The following CNTLN variants were observed in gnomAD, a reference collection of about 807,000 sequenced individuals.
CNTLN encodes the protein centlein, centrosomal protein.
CNTLN carries 212 observed loss-of-function variants against 180.0 expected under a neutral mutation model. The ratio of observed to expected loss-of-function variants is 1.18; its 90% confidence interval spans 1.05 to 1.32. The LOEUF (loss-of-function observed/expected upper bound fraction) is 1.32, where lower values mean the gene tolerates loss of function less well. Among genes scored for constraint, CNTLN ranks in the 40% most tolerant of loss-of-function variants. CNTLN has a pLI of 0.00. For missense variants in CNTLN, 2,095 were observed against 1,610.9 expected (o/e 1.30, Z -5.14); for synonymous variants, 722 against 563.1 (o/e 1.28, Z -3.99).
chr9:17,197,104 G>A lies in CNTLN; in HGVS notation c.450-29099G>A, dbSNP rs146248806. ...ATGTGAGCAAATTACTTACACTCAC[G>A]GTACCTCAGTTCCTTCATCTGTTAA... On this transcript the variant is annotated intron_variant, in intron 2 of 25. Transcript: ENST00000380647. 5.0e-3 allele frequency among the ~76,000 whole-genome samples: 756 copies of A among 152,058 alleles called. 10 individuals are homozygous for A. Among genetic ancestry groups the A allele is most frequent in the Non-Finnish European group, 5.6e-3 (382 of 68,000 alleles).
intron 21 of CNTLN, among the ~76,000 whole-genome samples, chr9:17,465,142 G>T (rs1831673746): frequency 1.3e-5 from 2 of 148,868 alleles, no homozygotes; most frequent in South Asian, 4.2e-4. Context: ...TTTTTTGAAG[G>T]TGCTTTTTTC....
chr9:17,174,426 C>G (rs573176698), intron 2 of CNTLN, among the ~76,000 whole-genome samples: 1 of 152,068 alleles, frequency 6.6e-6, no homozygotes, highest in Non-Finnish European at 1.5e-5. Flanking sequence ...CTGGGTGCAG[C>G]GGCTTATGCC....
At chr9:17,516,383 A>C in the CNTLN span, among the ~76,000 whole-genome samples, 1 of 152,168 alleles carries the variant, frequency 6.6e-6, no homozygotes, top group African/African-American at 2.4e-5. Context: ...AAAGATTAAC[A>C]AGAGAAAAGC....
At chr9:17,527,738 C>A in the CNTLN span, among the ~76,000 whole-genome samples, 1 of 152,040 alleles carries the variant, frequency 6.6e-6, no homozygotes. Context: ...GGAACCAGGG[C>A]TCTTGGGAGA....
intron 15 of CNTLN, among the ~76,000 whole-genome samples, chr9:17,406,475 T>C (rs1302289934): frequency 6.6e-6 from 1 of 151,728 alleles, no homozygotes; most frequent in Non-Finnish European, 1.5e-5. Context: ...TTTAGCCAGA[T>C]ATCTAAAACA....
chr9:17,412,187 C>A (rs1322832406), intron 16 of CNTLN, among the ~76,000 whole-genome samples: 1 of 152,194 alleles, frequency 6.6e-6, no homozygotes, highest in Non-Finnish European at 1.5e-5. Flanking sequence ...TCAACTAAGA[C>A]TGGATTTCCA....
intron 18 of CNTLN, among the ~76,000 whole-genome samples, chr9:17,454,553 C>A (rs938117894): frequency 6.6e-6 from 1 of 152,182 alleles, no homozygotes; most frequent in Non-Finnish European, 1.5e-5. Flanking sequence ...TATGTATATA[C>A]GTGTTAAAGT....
intron 5 of CNTLN, among the ~76,000 whole-genome samples, chr9:17,247,833 TC>T (rs1825889277): frequency 2.1e-5 from 3 of 142,214 alleles, no homozygotes; most frequent in African/African-American, 2.7e-5. Flanking sequence ...CTCTGTTCTT[TC>T]TTTTTTTTTT....
intron 13 of CNTLN, among the ~76,000 whole-genome samples, chr9:17,376,891 A>G (rs1824819065): frequency 6.6e-6 from 1 of 152,208 alleles, no homozygotes; most frequent in Non-Finnish European, 1.5e-5. Flanking sequence ...AACAGAAGTA[A>G]AGGTAAATGA....
chr9:17,213,968 T>G lies in CNTLN; in HGVS notation c.450-12235T>G, dbSNP rs976021854. 2.0e-5 allele frequency among the ~76,000 whole-genome samples: 3 copies of G among 152,224 alleles called. No individual in the cohort carries two copies. In the East Asian group the frequency reaches 5.8e-4, roughly 29 times the overall value. ...TGTGTCTTTGCAGGTGATATGGGTC[T>G]TCTGAATACAGCACACTGATGGGTC... On this transcript the variant is annotated intron_variant, in intron 2 of 25. Transcript: ENST00000380647.
Position 17,314,896 on chromosome 9 carries a change from C to A in CNTLN, c.1341+5644C>A, listed in dbSNP as rs538023737. 2.6e-5 allele frequency among the ~76,000 whole-genome samples: 4 copies of A among 152,270 alleles called. No individual in the cohort carries two copies. In the South Asian group the frequency reaches 8.3e-4, roughly 32 times the overall value. On this transcript the variant is annotated intron_variant, in intron 8 of 25. Transcript: ENST00000380647. Reference sequence around the variant, plus strand: ...TTCCCAATCTTTGACTTTTTAAAGACTATTTTAACTGATTTTTTAAATCAT... The same window carrying A: ...TTCCCAATCTTTGACTTTTTAAAGAATATTTTAACTGATTTTTTAAATCAT...
At chr9:17,506,466 G>C (rs1833933615), downstream of CNTLN, among the ~76,000 whole-genome samples, 1 of 152,036 alleles carries the variant, frequency 6.6e-6, no homozygotes, top group South Asian at 2.1e-4. Context: ...AATAAGCTTG[G>C]GGCTATGGCT....
intron 24 of CNTLN, 143 bp from the exon 25 acceptor site, chr9:17,486,846 A>C: frequency 1.8e-6 from 1 of 570,826 alleles, no homozygotes; most frequent in Non-Finnish European, 3.1e-6. Context: ...GCATGGACTT[A>C]AATATTTCTA....
rs182982733 is a variant in CNTLN, at chr9:17,431,518, T to C, written c.3114+15329T>C. On this transcript the variant is annotated intron_variant, in intron 18 of 25. Coordinates refer to ENST00000380647, the MANE Select transcript of CNTLN (RefSeq NM_017738.4). ...TTGTCTCTTTGTTGATTGTTTCCAT[T>C]GCTGTGCAGAAGCATTTTAGCTTGA... Among the ~76,000 whole-genome samples, 1,171 of 152,278 alleles carry C rather than the reference T, an allele frequency of 7.7e-3. 11 individuals carry two copies. The highest frequency in any genetic ancestry group is 0.012 in the Non-Finnish European group (788 of 68,006).
chr9:17,441,952 T>C (rs1284416158), intron 18 of CNTLN, among the ~76,000 whole-genome samples: 3 of 152,134 alleles, frequency 2.0e-5, no homozygotes, highest in African/African-American at 7.2e-5. Flanking sequence ...GACATTCACC[T>C]GAAAGAAGGG....
intron 2 of CNTLN, among the ~76,000 whole-genome samples, chr9:17,207,264 G>A (rs1443560080): frequency 1.3e-5 from 2 of 152,140 alleles, no homozygotes; most frequent in Non-Finnish European, 2.9e-5. Flanking sequence ...TGCCATTTAT[G>A]TGAGATAAAG....
chr9:17,404,466 C>T (rs10963084), intron 15 of CNTLN, among the ~76,000 whole-genome samples: 30,107 of 151,470 alleles, frequency 0.2, 4,217 homozygotes, highest in Non-Finnish European at 0.27. Flanking sequence ...TAGAGGTAGA[C>T]GCTGAGATTG....
intron 13 of CNTLN, among the ~76,000 whole-genome samples, chr9:17,386,429 C>G (rs1825688150): frequency 6.6e-6 from 1 of 152,098 alleles, no homozygotes. Flanking sequence ...AAAAATAAAT[C>G]TCCAGTAAAG....
At chr9:17,150,713 A>G (rs1818804903) in intron 2 of CNTLN, among the ~76,000 whole-genome samples, 2 of 152,146 alleles carry the variant, frequency 1.3e-5, no homozygotes, top group South Asian at 2.1e-4. Context: ...TGATGGGGAC[A>G]GCATTGAATC....
Sources: allele counts gnomAD v4.1 joint callset (sites outside exome capture counted in the v4.1 genomes callset), GRCh38; gene constraint gnomAD v4.1.1; transcripts MANE v1.5; gene names NCBI Gene and HGNC (gene_info 2026-07-23, HGNC 2026-07-21).